MAP4K3: variants seen among roughly 807,000 people sequenced by gnomAD.
MAP4K3 encodes MAPK/ERK kinase kinase kinase 3.
In MAP4K3, 94 loss-of-function variants were observed where a neutral mutation model predicts 143.5. That is an observed-to-expected ratio of 0.65 (90% CI 0.55 to 0.78). The LOEUF is 0.78. Among genes scored for constraint, MAP4K3 ranks in the 30% least tolerant of loss-of-function variants. The probability of loss-of-function intolerance (pLI) is 0.00; values close to 1 mark genes in which losing one functional copy is unlikely to be tolerated. For missense variants in MAP4K3, 1,077 were observed against 1,068.1 expected, an observed-to-expected ratio of 1.01 and a Z score of -0.12; for synonymous variants, 416 against 347.2, an observed-to-expected ratio of 1.20 and a Z score of -2.20.
At chr2:39,319,488 T>A (rs535137321) in intron 12 of MAP4K3, among the ~76,000 whole-genome samples, 1 of 152,164 alleles carries the variant, frequency 6.6e-6, no homozygotes, top group African/African-American at 2.4e-5. Context: ...GATTTGGGTA[T>A]GCACGGAGTT....
intron 1 of MAP4K3, among the ~76,000 whole-genome samples, chr2:39,431,704 C>G (rs1665295064): frequency 2.0e-5 from 3 of 152,162 alleles, no homozygotes; most frequent in African/African-American, 7.2e-5. Flanking sequence ...GTTAGAAGGA[C>G]AGTAGGAGGA....
intron 12 of MAP4K3, chr2:39,323,328 T>C (rs904402758): frequency 1.3e-5 from 2 of 152,212 alleles, no homozygotes; most frequent in Non-Finnish European, 2.9e-5. Context: ...ATTCCACAGA[T>C]TGCTTCTCTA....
rs1029900867 is a variant in MAP4K3, at chr2:39,299,749, G to C, written c.1172C>G (p.Ala391Gly). The C allele has an allele frequency of 1.3e-6, 2 of 1,560,000 alleles. No homozygotes were observed. Among genetic ancestry groups the C allele is most frequent in the African/African-American group, 1.4e-5 (1 of 73,022 alleles). Reference protein sequence around the residue: ...QGHQGGYFLGANKSLLKSVEE... With the variant: ...QGHQGGYFLGGNKSLLKSVEE... Reference sequence around the variant, plus strand: ...TTAAAAGAACTTTACTTACTTGTTTGCACCTAAAAAGTAACCACCTTGGTG... The same window carrying C: ...TTAAAAGAACTTTACTTACTTGTTTCCACCTAAAAAGTAACCACCTTGGTG... The change falls in exon 16 of 34, where the codon GCA becomes GGA. Residue 391 changes from alanine to glycine, a missense_variant. By Grantham distance (60) the Ala-to-Gly change is moderately conservative. Around this residue, in one of 2 missense-constraint regions of MAP4K3, gnomAD observed 864 missense variants for 801.2 expected, o/e 1.08. Coordinates refer to ENST00000263881, the MANE Select transcript of MAP4K3 (RefSeq NM_003618.4).
Position 39,298,339 on chromosome 2 carries a change from A to T in MAP4K3, c.1178+1404T>A, listed in dbSNP as rs903846850. On this transcript the variant is annotated intron_variant, in intron 16 of 33. Coordinates refer to ENST00000263881, the MANE Select transcript of MAP4K3 (RefSeq NM_003618.4). ...CTTATTTTCCATTTTAAAAAACATA[A>T]ATGCTAATAATAATAATGACTTAAT... Among the ~76,000 whole-genome samples the T allele has an allele frequency of 5.3e-5, 8 of 152,206 alleles. No homozygotes were observed. In the South Asian group the frequency reaches 1.5e-3, roughly 28 times the overall value.
At chr2:39,280,531 A>G (rs1435640237) in intron 22 of MAP4K3, among the ~76,000 whole-genome samples, 175 bp from the exon 23 acceptor site, 6 of 152,140 alleles carry the variant, frequency 3.9e-5, no homozygotes, top group Non-Finnish European at 8.8e-5. Context: ...TTTGCCTAAC[A>G]GTGGTACCAC....
At chr2:39,351,547 G>A (rs1008584186) in intron 3 of MAP4K3, among the ~76,000 whole-genome samples, 13 of 152,132 alleles carry the variant, frequency 8.5e-5, no homozygotes, top group African/African-American at 2.2e-4. Flanking sequence ...AATCAACACT[G>A]CACTCTACAT....
chr2:39,393,580 T>G (rs1430906416), intron 1 of MAP4K3, among the ~76,000 whole-genome samples: 1 of 152,226 alleles, frequency 6.6e-6, no homozygotes, highest in Non-Finnish European at 1.5e-5. Context: ...CTTCTCTGTA[T>G]CATTCCAATT....
At chr2:39,424,025 C>T (rs1334947885) in intron 1 of MAP4K3, among the ~76,000 whole-genome samples, 4 of 152,128 alleles carry the variant, frequency 2.6e-5, no homozygotes, top group Non-Finnish European at 5.9e-5. Context: ...CTCACTGCAA[C>T]CTCCGCCTCC....
intron 2 of MAP4K3, among the ~76,000 whole-genome samples, chr2:39,356,606 G>A (rs1000065615): frequency 5.9e-5 from 9 of 152,172 alleles, no homozygotes; most frequent in African/African-American, 7.2e-5. Context: ...CACACTAAGC[G>A]GTGTGAGTTT....
intron 8 of MAP4K3, among the ~76,000 whole-genome samples, chr2:39,326,772 T>C (rs1683503583): frequency 6.6e-6 from 1 of 152,110 alleles, no homozygotes; most frequent in Non-Finnish European, 1.5e-5. Flanking sequence ...GTTTCCCCTA[T>C]GCTTTTCTCA....
At chr2:39,270,564 A>G (rs975465575) in intron 26 of MAP4K3, among the ~76,000 whole-genome samples, 8 of 152,244 alleles carry the variant, frequency 5.3e-5, no homozygotes, top group African/African-American at 1.7e-4. Flanking sequence ...CTGCCAGATG[A>G]GTATATAGGT....
At chr2:39,366,697 T>C (rs879901940) in intron 2 of MAP4K3, among the ~76,000 whole-genome samples, 26 of 152,232 alleles carry the variant, frequency 1.7e-4, no homozygotes, top group Non-Finnish European at 3.1e-4. Flanking sequence ...CAGTAATCTA[T>C]GGCTAACATT....
intron 15 of MAP4K3, among the ~76,000 whole-genome samples, chr2:39,303,713 AT>A (rs1203027478): frequency 6.6e-6 from 1 of 151,968 alleles, no homozygotes; most frequent in Non-Finnish European, 1.5e-5. Flanking sequence ...TAATTTCTGT[AT>A]TTTCAATAGA....
In MAP4K3 at chr2:39,325,978, T is replaced by G; in HGVS notation, c.663-17A>C. On this transcript the variant is annotated splice_polypyrimidine_tract_variant and intron_variant, in intron 9 of 33. Coordinates refer to ENST00000263881, the MANE Select transcript of MAP4K3 (RefSeq NM_003618.4). Reference sequence around the variant, plus strand: ...AATAATGCTCTGAAAAATCAACAAATCATTACACAGCATTTTAATATTTCA... The same window carrying G: ...AATAATGCTCTGAAAAATCAACAAAGCATTACACAGCATTTTAATATTTCA... The G allele has an allele frequency of 6.4e-7, 1 of 1,573,818 alleles. No homozygotes were observed. Among genetic ancestry groups the G allele is most frequent in the Non-Finnish European group, 8.7e-7 (1 of 1,150,362 alleles).
At chr2:39,260,537 T>C (rs1345586806) in intron 29 of MAP4K3, 69 bp downstream of exon 29, 2 of 1,293,512 alleles carry the variant, frequency 1.5e-6, no homozygotes, top group Non-Finnish European at 2.2e-6. Context: ...TAGTAAGAGA[T>C]ACAGTAAACT....
intron 1 of MAP4K3, among the ~76,000 whole-genome samples, chr2:39,398,827 G>A (rs1389438574): frequency 6.6e-6 from 1 of 150,950 alleles, no homozygotes; most frequent in East Asian, 1.9e-4. Context: ...TGGATCACTT[G>A]AGGTCAAGAG....
chr2:39,323,080 A>C (rs1414353613), intron 12 of MAP4K3, among the ~76,000 whole-genome samples: 1 of 152,224 alleles, frequency 6.6e-6, no homozygotes, highest in Non-Finnish European at 1.5e-5. Flanking sequence ...TACAATTACA[A>C]ATCATTTGCA....
At chr2:39,270,488 C>A (rs547117541) in intron 26 of MAP4K3, among the ~76,000 whole-genome samples, 2 of 152,262 alleles carry the variant, frequency 1.3e-5, no homozygotes, top group South Asian at 4.1e-4. Context: ...AGGTCTATTT[C>A]TTGAGAGCTT....
At chr2:39,282,648 T>C (rs1195604875) in intron 21 of MAP4K3, 94 bp from the exon 22 acceptor site, 6 of 825,730 alleles carry the variant, frequency 7.3e-6, no homozygotes, top group African/African-American at 1.7e-5. Flanking sequence ...ATAAAATACA[T>C]GAATACATTC....
Sources: gnomAD v4.1 joint callset for allele counts (sites outside exome capture counted in the v4.1 genomes callset) on GRCh38, gnomAD v4.1.1 for gene constraint, gnomAD v4.1.1 regional missense constraint, MANE v1.5 for transcripts, NCBI Gene and HGNC (gene_info 2026-07-23, HGNC 2026-07-21) for gene names.